The following CA9 variants were observed in gnomAD, a reference collection of about 807,000 sequenced individuals.
The protein encoded by CA9 is CA-IX.
A neutral mutation model predicts 51.8 loss-of-function variants in CA9; 43 were observed. The observed-to-expected ratio is 0.83, with a 90% CI of 0.65 to 1.07. The LOEUF (loss-of-function observed/expected upper bound fraction) is 1.07. Among genes scored for constraint, CA9 ranks in the 50% least tolerant of loss-of-function variants. CA9 has a pLI of 0.00. For synonymous variants in CA9, 253 were observed against 244.2 expected (o/e 1.04, Z -0.34); for missense variants, 574 against 581.4 (o/e 0.99, Z 0.13).
intron 5 of CA9, 73 bp downstream of exon 5, chr9:35,676,462 A>G (rs1824425699): frequency 8.0e-7 from 1 of 1,249,374 alleles, no homozygotes; most frequent in African/African-American, 1.5e-5. Context: ...TCGTGGAGCC[A>G]GAGACCCCAT....
chr9:35,676,498 G>T (rs1824426715), intron 5 of CA9, 109 bp downstream of exon 5: 3 of 843,674 alleles, frequency 3.6e-6, no homozygotes, highest in Non-Finnish European at 5.7e-6. Context: ...CAGGCCCCTG[G>T]CTGACAAACT....
Position 35,676,139 on chromosome 9 carries a change from T to C in CA9, c.680T>C (p.Leu227Pro). 6.2e-7 allele frequency: 1 copy of C among 1,613,428 alleles called. No individual in the cohort carries two copies. The highest frequency in any genetic ancestry group is 8.5e-7 in the Non-Finnish European group (1 of 1,179,736). Residue 227 changes from leucine to proline, a missense_variant, in exon 4 of 11, where the codon CTG becomes CCG. Transcript: ENST00000378357. ...GAGTACCGGGCTCTGCAGCTGCATC[T>C]GCACTGGGGGGCTGCAGGTCGTCCG... ...GREYRALQLH[L>P]HWGAAGRPGS...
chr9:35,675,658 T>TTCCCCC, intron 2 of CA9, 91 bp downstream of exon 2: 6 of 1,407,086 alleles, frequency 4.3e-6, no homozygotes, highest in Admixed American at 1.7e-5. Flanking sequence ...GTCCCGGGCG[T>TTCCCCC]CCCACCCGCC....
chr9:35,680,937 A>G, intron 10 of CA9, 28 bp from the exon 11 acceptor site: 1 of 1,613,672 alleles, frequency 6.2e-7, no homozygotes. Context: ...CAGTTTTCTG[A>G]TTAGCCTTTC....
At chr9:35,677,052 A>C (rs1256940742) in intron 5 of CA9, among the ~76,000 whole-genome samples, 1 of 151,790 alleles carries the variant, frequency 6.6e-6, no homozygotes, top group Admixed American at 6.6e-5. Flanking sequence ...ACAGGGTTTC[A>C]CCATGTTGGT....
In CA9 at chr9:35,677,783, C is replaced by A. The variant is rs183985235; in HGVS notation, c.841-7C>A. On this transcript the variant is annotated splice_polypyrimidine_tract_variant and splice_region_variant and intron_variant, in intron 5 of 10. Transcript: ENST00000378357. ...GCACTCATCTGTCTTACAATGTCAT[C>A]CCCCAGGAGGGCCCGGAAGAAAACA... 2.3e-3 allele frequency: 3,780 copies of A among 1,612,940 alleles called. 3 individuals are homozygous for A. Among genetic ancestry groups the A allele is most frequent in the Admixed American group, 3.6e-3 (215 of 60,014 alleles).
chr9:35,674,133 C>T lies in CA9; in HGVS notation c.174C>T (p.Asp58=), dbSNP rs753926184. 4 of 1,614,004 alleles carry T rather than the reference C, an allele frequency of 2.5e-6. No homozygotes were observed. The highest frequency in any genetic ancestry group is 3.3e-5 in the Admixed American group (2 of 60,006). The change falls in exon 1 of 11, where the codon GAC becomes GAT. Residue 58 remains aspartate (D), a synonymous_variant. Transcript: ENST00000378357. Reference sequence around the variant, plus strand: ...GAGGAGGCTCTTCTGGGGAAGATGACCCACTGGGCGAGGAGGATCTGCCCA... The same window carrying T: ...GAGGAGGCTCTTCTGGGGAAGATGATCCACTGGGCGAGGAGGATCTGCCCA... ...PLGGGSSGED[D]PLGEEDLPSE...
intron 7 of CA9, among the ~76,000 whole-genome samples, 187 bp from the exon 8 acceptor site, chr9:35,679,667 G>GC (rs1235170664): frequency 6.6e-6 from 1 of 152,208 alleles, no homozygotes; most frequent in Non-Finnish European, 1.5e-5. Context: ...ACTGCAGTGA[G>GC]CTATGATCCC....
intron 5 of CA9, among the ~76,000 whole-genome samples, chr9:35,676,596 C>G (rs1824428221): frequency 6.6e-6 from 1 of 152,180 alleles, no homozygotes; most frequent in Non-Finnish European, 1.5e-5. Flanking sequence ...GTCCTTGCCT[C>G]TAAGGAGCCC....
chr9:35,677,729 C>A, intron 5 of CA9, 61 bp from the exon 6 acceptor site: 1 of 1,339,134 alleles, frequency 7.5e-7, no homozygotes, highest in Non-Finnish European at 1.1e-6. Flanking sequence ...CCTTCATGTT[C>A]CGGCCTTCAG....
chr9:35,680,808 C>T lies in CA9; in HGVS notation c.1293C>T (p.Phe431=). ...GLLFAVTSVA[F]LVQMRRQHRR... ...TTTTTGCTGTCACCAGCGTCGCGTT[C>T]CTTGTGCAGATGAGAAGGCAGCACA... is the stretch of plus-strand genomic sequence containing the variant. Residue 431 remains phenylalanine, a synonymous_variant, in exon 10 of 11, where the codon TTC becomes TTT. Transcript: ENST00000378357. 6.2e-7 allele frequency: 1 copy of T among 1,614,238 alleles called. No homozygotes were observed. The highest frequency in any genetic ancestry group is 2.2e-5 in the East Asian group (1 of 44,884).
At chr9:35,675,342 G>T in intron 1 of CA9, 196 bp from the exon 2 acceptor site, 1 of 630,842 alleles carries the variant, frequency 1.6e-6, no homozygotes. Flanking sequence ...ATTGCAAGCT[G>T]GTAGGATTGC....
Position 35,679,342 on chromosome 9 carries a change from G to C in CA9, c.1065G>C (p.Gln355His). The part of the protein sequence containing the change: ...FNQTVMLSAK[Q>H]LHTLSDTLWG... ...AGACAGTGATGCTGAGTGCTAAGCAGGTGGGCCTGGGGTGTGTGTGGACAC... is the reference window on the plus strand; with the variant it reads ...AGACAGTGATGCTGAGTGCTAAGCACGTGGGCCTGGGGTGTGTGTGGACAC... Residue 355 changes from glutamine to histidine, a missense_variant and splice_region_variant, in exon 7 of 11, where the codon CAG becomes CAC. Transcript: ENST00000378357. 1 of 1,612,642 alleles carries C rather than the reference G, an allele frequency of 6.2e-7. No homozygotes were observed. Among genetic ancestry groups the C allele is most frequent in the South Asian group, 1.1e-5 (1 of 90,894 alleles).
chr9:35,676,410 C>G (rs200447105), intron 5 of CA9, 21 bp downstream of exon 5: 213 of 1,582,162 alleles, frequency 1.3e-4, no homozygotes, highest in Non-Finnish European at 1.6e-4. Flanking sequence ...CTGGACACCC[C>G]CTACTCCCCG....
Position 35,675,554 on chromosome 9 carries a change from T to C in CA9, c.420T>C (p.His140=), listed in dbSNP as rs138607229. 5.2e-5 allele frequency: 84 copies of C among 1,614,038 alleles called. No individual in the cohort carries two copies. The highest frequency in any genetic ancestry group is 4.9e-4 in the East Asian group (22 of 44,884). ...TTTATACAGGGGATGACCAGAGTCA[T>C]TGGCGCTATGGAGGTGAGACACCCA... ...HRDKEGDDQS[H]WRYGGDPPWP... Residue 140 remains histidine (H), a synonymous_variant, in exon 2 of 11, where the codon CAT becomes CAC. Coordinates refer to ENST00000378357, the MANE Select transcript of CA9 (RefSeq NM_001216.3).
In CA9 at chr9:35,674,841, C is replaced by T. The variant is rs140747751; in HGVS notation, c.403+479C>T. Reference sequence around the variant, plus strand: ...AGAAGGGACACAGCAGGTAGAGAAACGTGGCTTCTTGACTCCCAAGCCAGG... The same window carrying T: ...AGAAGGGACACAGCAGGTAGAGAAATGTGGCTTCTTGACTCCCAAGCCAGG... On this transcript the variant is annotated intron_variant, in intron 1 of 10. Transcript: ENST00000378357. 376 of 158,438 alleles carry T rather than the reference C, an allele frequency of 2.4e-3. 3 individuals are homozygous for T. The highest frequency in any genetic ancestry group is 2.1e-3 in the South Asian group (11 of 5,362). The allele number at this position is 158,438 out of a possible 1,614,324, so 9.8% of individuals were successfully genotyped here.
Position 35,679,915 on chromosome 9 carries a change from G to A in CA9, c.1127G>A (p.Arg376Gln), listed in dbSNP as rs775245763. 11 of 1,613,598 alleles carry A rather than the reference G, an allele frequency of 6.8e-6. No homozygotes were observed. The highest frequency in any genetic ancestry group is 5.5e-5 in the South Asian group (5 of 91,068). Residue 376 changes from arginine (R) to glutamine (Q), a missense_variant, in exon 8 of 11, where the codon CGA becomes CAA. By Grantham distance (43) the Arg-to-Gln change is conservative (BLOSUM62 1). Coordinates refer to ENST00000378357, the MANE Select transcript of CA9 (RefSeq NM_001216.3). ...GACTCTCGGCTACAGCTGAACTTCC[G>A]AGCGACGCAGCCTTTGAATGGGCGA... Reference protein sequence around the residue: ...PGDSRLQLNFRATQPLNGRVI... With the variant: ...PGDSRLQLNFQATQPLNGRVI...
intron 5 of CA9, 95 bp from the exon 6 acceptor site, chr9:35,677,695 A>C: frequency 1.0e-5 from 9 of 892,626 alleles, no homozygotes; most frequent in Middle Eastern, 2.3e-4. Flanking sequence ...GAGCTGAGGA[A>C]TGGGAGAGGT....
At chr9:35,676,560 C>T (rs1824427879) in intron 5 of CA9, among the ~76,000 whole-genome samples, 171 bp downstream of exon 5, 1 of 152,184 alleles carries the variant, frequency 6.6e-6, no homozygotes, top group African/African-American at 2.4e-5. Flanking sequence ...AGGCACCAGC[C>T]CCCAACAAGG....
Sources: gnomAD v4.1 joint callset for allele counts (sites outside exome capture counted in the v4.1 genomes callset) on GRCh38, gnomAD v4.1.1 for gene constraint, MANE v1.5 for transcripts, NCBI Gene and HGNC (gene_info 2026-07-23, HGNC 2026-07-21) for gene names.